The following NEB variants were observed in gnomAD, a reference collection of about 807,000 sequenced individuals.
The protein encoded by NEB is nemaline myopathy type 2.
NEB carries 512 observed loss-of-function variants against 952.2 expected under a neutral mutation model. That is an observed-to-expected ratio of 0.54 (90% CI 0.50 to 0.58). The LOEUF is 0.58. Ranked by LOEUF, NEB falls within the 20% of genes least tolerant of loss-of-function variation. The pLI, the probability that NEB is intolerant of heterozygous loss-of-function variation, is 0.00. For synonymous variants in NEB, 2,900 were observed against 3,149.8 expected, an observed-to-expected ratio of 0.92 and a Z score of 2.66; for missense variants, 8,428 against 9,231.1, an observed-to-expected ratio of 0.91 and a Z score of 3.56.
rs563836738 is a variant in NEB, at chr2:151,618,428, C to G, written c.10923G>C (p.Pro3641=). ...CCCTAACAACTTCCAAGGAATCAAT[C>G]GGAACCCAGCCAATGCCTTTCATCC... is the stretch of plus-strand genomic sequence containing the variant. The part of the protein sequence containing the change: ...LEWMKGIGWV[P]IDSLEVVRAK... The change falls in exon 74 of 182, where the codon CCG becomes CCC. Residue 3641 remains proline (P), a synonymous_variant. Transcript: ENST00000397345. 4 of 1,613,782 alleles carry G rather than the reference C, an allele frequency of 2.5e-6. No individual in the cohort carries two copies. Among genetic ancestry groups the G allele is most frequent in the African/African-American group, 1.3e-5 (1 of 74,916 alleles).
Position 151,674,560 on chromosome 2 carries a change from C to T in NEB, c.3904G>A (p.Asp1302Asn), listed in dbSNP as rs776245344. The stretch of plus-strand genomic sequence containing the variant: ...ACATTGTTGCCCTTGGCTATTAAGT[C>T]ATACCAATCCCGTTTATAACAGACC... ...SDVCYKRDWYDLIAKGNNVLG... is the reference protein window; with the variant it reads ...SDVCYKRDWYNLIAKGNNVLG... The change falls in exon 36 of 182, where the codon GAC becomes AAC. Residue 1302 changes from aspartate to asparagine, a missense_variant. By Grantham distance (23) the Asp-to-Asn change is conservative (BLOSUM62 1). Around this residue, in one of 11 missense-constraint regions of NEB, gnomAD observed 2,851 missense variants for 2,791.5 expected, o/e 1.02. Coordinates refer to ENST00000397345, the MANE Select transcript of NEB (RefSeq NM_001164508.2). The T allele has an allele frequency of 6.2e-7, 1 of 1,613,428 alleles. No individual in the cohort carries two copies. The highest frequency in any genetic ancestry group is 2.2e-5 in the East Asian group (1 of 44,868).
At chr2:151,509,797 A>G (rs2072599652) in intron 161 of NEB, among the ~76,000 whole-genome samples, 1 of 152,084 alleles carries the variant, frequency 6.6e-6, no homozygotes, top group Non-Finnish European at 1.5e-5. Flanking sequence ...CCAGCTAATG[A>G]TGGGGTTTCA....
intron 58 of NEB, 123 bp downstream of exon 58, chr2:151,643,027 C>G (rs551170885): frequency 1.6e-6 from 2 of 1,225,490 alleles, no homozygotes; most frequent in Admixed American, 2.3e-5. Flanking sequence ...AAGCACAATA[C>G]TTTAAAACCA....
intron 75 of NEB, among the ~76,000 whole-genome samples, chr2:151,616,407 G>A (rs577701098): frequency 1.5e-3 from 232 of 152,220 alleles, no homozygotes; most frequent in African/African-American, 5.2e-3. Context: ...ATTATTTACT[G>A]GCCGGGCGTG....
intron 5 of NEB, 65 bp downstream of exon 5, chr2:151,727,626 A>G: frequency 6.8e-7 from 1 of 1,475,774 alleles, no homozygotes; most frequent in Non-Finnish European, 9.3e-7. Flanking sequence ...TCCAAAACAG[A>G]GTGAGTTGAG....
Position 151,525,149 on chromosome 2 carries a change from G to A in NEB, c.22272+14C>T. The A allele has an allele frequency of 6.3e-7, 1 of 1,587,280 alleles. No individual in the cohort carries two copies. On this transcript the variant is annotated intron_variant, in intron 151 of 181. Coordinates refer to ENST00000397345, the MANE Select transcript of NEB (RefSeq NM_001164508.2). The stretch of plus-strand genomic sequence containing the variant: ...TCAAATGGGCCCCCAAGAGTGTTGA[G>A]AGGGAAAACTTACATCACTTTGCTT...
At chr2:151,576,408 GT>G in intron 105 of NEB, 54 bp from the exon 106 acceptor site, 1 of 1,342,084 alleles carries the variant, frequency 7.5e-7, no homozygotes, top group Non-Finnish European at 1.0e-6. Flanking sequence ...GTGTATGTGT[GT>G]GGTAAAATAA....
intron 43 of NEB, 54 bp downstream of exon 43, chr2:151,664,705 G>A: frequency 2.0e-6 from 3 of 1,530,864 alleles, no homozygotes; most frequent in South Asian, 1.2e-5. Flanking sequence ...GCAGACATAA[G>A]TATCAGTTCC....
chr2:151,619,536 T>C lies in NEB; in HGVS notation c.10787A>G (p.Tyr3596Cys). The change falls in exon 73 of 182, where the codon TAT (tyrosine) becomes TGT (cysteine). Residue 3596 changes from tyrosine (Y) to cysteine (C), a missense_variant. By Grantham distance (194) the Tyr-to-Cys change is radical. This residue lies in a region of NEB where 1,772 missense variants were observed against 1,960.3 expected (regional missense o/e 0.90). Transcript: ENST00000397345. ...KCQTLVSDVD[Y>C]KHPLHEWICL... ...GATCCATTCATGCAGAGGATGTTTA[T>C]AGTCCACATCGCTGACCAAGGTCTG... 1.2e-6 allele frequency: 2 copies of C among 1,613,990 alleles called. No individual in the cohort carries two copies. Among genetic ancestry groups the C allele is most frequent in the Non-Finnish European group, 1.7e-6 (2 of 1,179,860 alleles).
intron 135 of NEB, among the ~76,000 whole-genome samples, chr2:151,543,633 TTTC>T (rs1434564467): frequency 1.3e-5 from 2 of 152,184 alleles, no homozygotes; most frequent in Non-Finnish European, 2.9e-5. Context: ...AAGCAATTTT[TTTC>T]TTATTTTTAA....
chr2:151,639,168 C>T, intron 63 of NEB, 112 bp downstream of exon 63: 1 of 814,498 alleles, frequency 1.2e-6, no homozygotes, highest in South Asian at 1.9e-5. Flanking sequence ...TTGTTATTCA[C>T]ATGAAACATG....
intron 52 of NEB, among the ~76,000 whole-genome samples, chr2:151,652,070 A>G (rs2099036322): frequency 6.6e-6 from 1 of 152,224 alleles, no homozygotes; most frequent in Non-Finnish European, 1.5e-5. Flanking sequence ...AGACCTATCA[A>G]GTGGAAGTGG....
At position 151,570,424 on chromosome 2, in the gene NEB, C is replaced by T. The variant is rs753043192; in HGVS notation, c.17119-32G>A. 7.6e-6 allele frequency: 12 copies of T among 1,582,620 alleles called. No individual in the cohort carries two copies. In the Admixed American group the frequency reaches 1.5e-4, roughly 20 times the overall value. On this transcript the variant is annotated intron_variant, in intron 108 of 181. Transcript: ENST00000397345. The stretch of plus-strand genomic sequence containing the variant: ...ATGCAAAAATAAAGCAGATGGGTCA[C>T]AGCATGTCCTCTTGATGCACCTAGG...
At chr2:151,619,818 T>G in intron 72 of NEB, 56 bp from the exon 73 acceptor site, 1 of 1,530,326 alleles carries the variant, frequency 6.5e-7, no homozygotes, top group Non-Finnish European at 8.9e-7. Flanking sequence ...TTCCCTGTTG[T>G]TCTTTCTGTG....
chr2:151,493,884 C>G lies in NEB; in HGVS notation c.24580-17G>C. On this transcript the variant is annotated splice_polypyrimidine_tract_variant and intron_variant, in intron 174 of 181. Transcript: ENST00000397345. ...GTATAACACCTGTGAGATACAAAGT[C>G]ATGCCCGAAAGTCACTACGAGGTAA... 1 of 1,480,184 alleles carries G rather than the reference C, an allele frequency of 6.8e-7. No individual in the cohort carries two copies. The highest frequency in any genetic ancestry group is 9.1e-7 in the Non-Finnish European group (1 of 1,095,130). The allele number at this position is 1,480,184 out of a possible 1,614,324, so 91.7% of individuals were successfully genotyped here. A position where few individuals can be genotyped will look rare whatever the true frequency, so the allele number is the denominator to read the frequency against.
rs779003419 is a variant in NEB at position 151,671,004 on chromosome 2, T to C, written c.4506+19A>G. 1 of 1,606,608 alleles carries C rather than the reference T, an allele frequency of 6.2e-7. No individual in the cohort carries two copies. The highest frequency in any genetic ancestry group is 1.7e-5 in the Admixed American group (1 of 60,014). On this transcript the variant is annotated intron_variant, in intron 38 of 181. Transcript: ENST00000397345. ...TGTGGTTATTTACGGGCAAATCATT[T>C]TGAAAGGAAAGCACTCACATCACTT...
At position 151,568,413 on chromosome 2, in the gene NEB, T is replaced by G; in HGVS notation, c.17639A>C (p.Lys5880Thr). Residue 5880 changes from lysine (K) to threonine (T), a missense_variant, in exon 112 of 182, where the codon AAA becomes ACA. By Grantham distance (78) the Lys-to-Thr change is moderately conservative. Coordinates refer to ENST00000397345, the MANE Select transcript of NEB (RefSeq NM_001164508.2). ...GGTGGCATTCCAGTCTTTCCGGTAT[T>G]TAATCTAAAAAAAAAAAAATGAGAG... ...KQSGEILDDI[K>T]YRKDWNATKS... is the part of the protein sequence containing the mutation. 6.4e-7 allele frequency: 1 copy of G among 1,552,900 alleles called. No homozygotes were observed. Among genetic ancestry groups the G allele is most frequent in the Non-Finnish European group, 8.7e-7 (1 of 1,152,840 alleles).
chr2:151,490,020 G>T lies in NEB; in HGVS notation c.25355C>A (p.Thr8452Asn). 1 of 1,613,646 alleles carries T rather than the reference G, an allele frequency of 6.2e-7. No individual in the cohort carries two copies. The highest frequency in any genetic ancestry group is 1.1e-5 in the South Asian group (1 of 91,050). ...GATGGAAGATACCGTTGTCTGTTGG[G>T]TAGCAACTGAAGATGATCGTTGTTG... Reference protein sequence around the residue: ...LPQQRSSSVATQQTTVSSIPS... With the variant: ...LPQQRSSSVANQQTTVSSIPS... The change falls in exon 181 of 182, where the codon ACC becomes AAC. Residue 8452 changes from threonine (T) to asparagine (N), a missense_variant. Physicochemically the swap from Thr to Asn is moderately conservative, Grantham distance 65. Around this residue, in one of 11 missense-constraint regions of NEB, gnomAD observed 3,374 missense variants for 3,651.5 expected, o/e 0.92. Transcript: ENST00000397345.
Position 151,664,617 on chromosome 2 carries a change from T to C in NEB, c.5344-9A>G. On this transcript the variant is annotated splice_polypyrimidine_tract_variant and intron_variant, in intron 43 of 181. Coordinates refer to ENST00000397345, the MANE Select transcript of NEB (RefSeq NM_001164508.2). ...CCAGCTTTGTACAGTTTCTAAACAATAAAATAGAAAAACAACAGCATCTTG... is the reference window on the plus strand; with the variant it reads ...CCAGCTTTGTACAGTTTCTAAACAACAAAATAGAAAAACAACAGCATCTTG... 6.3e-7 allele frequency: 1 copy of C among 1,590,566 alleles called. No homozygotes were observed. Among genetic ancestry groups the C allele is most frequent in the Non-Finnish European group, 8.6e-7 (1 of 1,166,828 alleles).
Sources: allele counts gnomAD v4.1 joint callset (sites outside exome capture counted in the v4.1 genomes callset), GRCh38; gene constraint gnomAD v4.1.1; regional missense constraint gnomAD v4.1.1; transcripts MANE v1.5; gene names NCBI Gene and HGNC (gene_info 2026-07-23, HGNC 2026-07-21).